The following CHRM3 variants were observed in gnomAD, a reference collection of about 807,000 sequenced individuals.
CHRM3 encodes the protein muscarinic acetylcholine receptor M3.
Under a neutral mutation model 41.8 loss-of-function variants are expected in CHRM3, and 11 were observed. That is an observed-to-expected ratio of 0.26 (90% CI 0.17 to 0.44). The LOEUF is 0.44. Ranked by LOEUF, CHRM3 falls within the 20% of genes least tolerant of loss-of-function variation. The pLI is 1.00. For synonymous variants in CHRM3, 297 were observed against 301.4 expected (o/e 0.99, Z 0.15); for missense variants, 571 against 745.4 (o/e 0.77, Z 2.72).
chr1:239,744,234 C>T (rs1665144003), intron 5 of CHRM3, among the ~76,000 whole-genome samples: 1 of 151,984 alleles, frequency 6.6e-6, no homozygotes, highest in South Asian at 2.1e-4. Context: ...CAGAGATGAA[C>T]AAAAGTGATG....
intron 4 of CHRM3, among the ~76,000 whole-genome samples, chr1:239,641,346 T>A (rs1479103677): frequency 1.3e-5 from 2 of 151,252 alleles, no homozygotes; most frequent in East Asian, 3.9e-4. Context: ...CATTGATCTG[T>A]CTAATGTTGA....
chr1:239,690,433 G>A (rs931219285), intron 5 of CHRM3, among the ~76,000 whole-genome samples: 5 of 151,760 alleles, frequency 3.3e-5, no homozygotes, highest in East Asian at 3.9e-4. Context: ...GTTTCACCAC[G>A]TTGGCCAGGA....
At chr1:239,647,379 C>T (rs1261818524) in intron 4 of CHRM3, among the ~76,000 whole-genome samples, 1 of 152,140 alleles carries the variant, frequency 6.6e-6, no homozygotes, top group Admixed American at 6.5e-5. Flanking sequence ...TTGAAATTCT[C>T]TATTTTCGTG....
chr1:239,518,707 AG>A (rs2148248381), intron 2 of CHRM3, among the ~76,000 whole-genome samples: 1 of 152,302 alleles, frequency 6.6e-6, no homozygotes, highest in South Asian at 2.1e-4. Context: ...GTATTTATTA[AG>A]GGAAAGTTTG....
At chr1:239,762,440 G>A (rs1487259191) in intron 5 of CHRM3, among the ~76,000 whole-genome samples, 1 of 152,194 alleles carries the variant, frequency 6.6e-6, no homozygotes, top group African/African-American at 2.4e-5. Context: ...CAAAGTGTGT[G>A]GTACATAAAT....
intron 1 of CHRM3, among the ~76,000 whole-genome samples, chr1:239,468,480 T>C (rs965752111): frequency 5.9e-5 from 9 of 152,234 alleles, no homozygotes; most frequent in Non-Finnish European, 1.2e-4. Flanking sequence ...CATTATGTTT[T>C]TGGCAAAATG....
intron 2 of CHRM3, among the ~76,000 whole-genome samples, chr1:239,507,891 G>A (rs545707054): frequency 2.6e-5 from 4 of 152,288 alleles, no homozygotes; most frequent in African/African-American, 9.6e-5. Flanking sequence ...GTGCTTATGA[G>A]AAAATCAGAG....
At chr1:239,828,867 G>A (rs1291735865) in intron 6 of CHRM3, among the ~76,000 whole-genome samples, 1 of 152,132 alleles carries the variant, frequency 6.6e-6, no homozygotes, top group Admixed American at 6.5e-5. Flanking sequence ...GATCTAAGAT[G>A]AACAAAGGAA....
At chr1:239,854,184 G>A (rs1313798034) in intron 6 of CHRM3, among the ~76,000 whole-genome samples, 2 of 152,018 alleles carry the variant, frequency 1.3e-5, no homozygotes, top group African/African-American at 4.8e-5. Flanking sequence ...CAATATAAAC[G>A]AAGAGACCAT....
chr1:239,724,747 G>A (rs1663279656), intron 5 of CHRM3, among the ~76,000 whole-genome samples: 2 of 151,882 alleles, frequency 1.3e-5, no homozygotes, highest in South Asian at 4.1e-4. Flanking sequence ...GTCTCTGTGT[G>A]TCATATTCCA....
chr1:239,542,428 T>G (rs1229906933), intron 2 of CHRM3, among the ~76,000 whole-genome samples: 1 of 152,148 alleles, frequency 6.6e-6, no homozygotes, highest in East Asian at 1.9e-4. Context: ...GGCAACCATT[T>G]CCTACAGCTG....
chr1:239,836,971 C>T (rs7554571), intron 6 of CHRM3, among the ~76,000 whole-genome samples: 2,932 of 136,716 alleles, frequency 0.021, 112 homozygotes, highest in African/African-American at 0.083. Context: ...AAGACTCTGT[C>T]TTAAAAAAAA....
intron 3 of CHRM3, among the ~76,000 whole-genome samples, chr1:239,590,879 AAAG>A (rs1050804481): frequency 2.6e-5 from 4 of 152,188 alleles, no homozygotes; most frequent in African/African-American, 7.2e-5. Flanking sequence ...TGGGAAAAAA[AAAG>A]AAGGTCTGAG....
At chr1:239,798,702 T>C (rs665159) in intron 5 of CHRM3, among the ~76,000 whole-genome samples, 86,909 of 152,038 alleles carry the variant, frequency 0.57, 26,613 homozygotes, top group African/African-American at 0.8. Flanking sequence ...TTGTGACTCT[T>C]CACTGACACA....
chr1:239,534,479 TTAA>T (rs1658001678), intron 2 of CHRM3, among the ~76,000 whole-genome samples: 1 of 152,232 alleles, frequency 6.6e-6, no homozygotes, highest in African/African-American at 2.4e-5. Context: ...GCTGGCTAAG[TTAA>T]TGTCATGTAA....
At chr1:239,867,963 C>G (rs113618404) in intron 6 of CHRM3, among the ~76,000 whole-genome samples, 6 of 152,136 alleles carry the variant, frequency 3.9e-5, no homozygotes, top group African/African-American at 7.2e-5. Flanking sequence ...TTCGGAGGAG[C>G]CTGCCCTCAT....
At chr1:239,728,360 T>A (rs1663640963) in intron 5 of CHRM3, among the ~76,000 whole-genome samples, 1 of 151,968 alleles carries the variant, frequency 6.6e-6, no homozygotes, top group Non-Finnish European at 1.5e-5. Context: ...AACATGCCTA[T>A]TCTGTAACCA....
chr1:239,485,018 T>TGTCTTCCATAA (rs1487205058), intron 1 of CHRM3, among the ~76,000 whole-genome samples: 1 of 152,224 alleles, frequency 6.6e-6, no homozygotes, highest in Non-Finnish European at 1.5e-5. Context: ...AGGATATCCC[T>TGTCTTCCATAA]ATATTTATGG....
rs1170805311 is a variant in CHRM3 at position 239,910,398 on chromosome 1, T to C, written c.*1174T>C. ...GGAGAACATTGTGTTTGATTCTTGC[T>C]GAATGGCACCTTCTCAAAGAAAATA... On this transcript the variant is annotated 3_prime_UTR_variant, in exon 7 of 7. Coordinates refer to ENST00000676153, the MANE Select transcript of CHRM3 (RefSeq NM_001375978.1). 1 of 166,348 alleles carries C rather than the reference T, an allele frequency of 6.0e-6. No homozygotes were observed. The highest frequency in any genetic ancestry group is 2.4e-5 in the African/African-American group (1 of 41,248). The allele number at this position is 166,348 out of a possible 1,614,324, so 10.3% of individuals were successfully genotyped here. A position where few individuals can be genotyped will look rare whatever the true frequency, so the allele number is the denominator to read the frequency against.
Sources: allele counts gnomAD v4.1 joint callset (sites outside exome capture counted in the v4.1 genomes callset), GRCh38; gene constraint gnomAD v4.1.1; transcripts MANE v1.5; gene names NCBI Gene and HGNC (gene_info 2026-07-23, HGNC 2026-07-21).